The following TANC1 variants were observed in gnomAD, a reference collection of about 807,000 sequenced individuals.
The protein encoded by TANC1 is tetratricopeptide repeat, ankyrin repeat and coiled-coil containing 1.
A neutral mutation model predicts 149.7 loss-of-function variants in TANC1; 77 were observed. That is an observed-to-expected ratio of 0.51 (90% CI 0.43 to 0.62). The LOEUF (loss-of-function observed/expected upper bound fraction) is 0.62. Among genes scored for constraint, TANC1 ranks in the 20% least tolerant of loss-of-function variants. TANC1 has a pLI of 0.00. For missense variants in TANC1, 1,985 were observed against 2,321.8 expected, an observed-to-expected ratio of 0.85 and a Z score of 2.98; for synonymous variants, 854 against 925.0, an observed-to-expected ratio of 0.92 and a Z score of 1.39.
chr2:159,067,571 T>C (rs2042780748), intron 3 of TANC1, among the ~76,000 whole-genome samples: 1 of 152,228 alleles, frequency 6.6e-6, no homozygotes, highest in South Asian at 2.1e-4. Context: ...CTGAAAGCTG[T>C]TTAAAAATAA....
intron 2 of TANC1, among the ~76,000 whole-genome samples, chr2:159,059,888 T>TTTTGTGTGTG (rs1195029777): frequency 3.5e-5 from 4 of 114,804 alleles, no homozygotes; most frequent in Non-Finnish European, 7.1e-5. Context: ...GCAGACCTCT[T>TTTTGTGTGTG]TGTGTGTGTG....
intron 2 of TANC1, among the ~76,000 whole-genome samples, chr2:159,033,182 G>A (rs1028709722): frequency 2.4e-4 from 37 of 152,178 alleles, no homozygotes; most frequent in Non-Finnish European, 1.5e-5. Context: ...CCGATTAAAA[G>A]CAGTGGTTTT....
intron 24 of TANC1, chr2:159,226,661 C>A (rs557843993): frequency 2.0e-5 from 3 of 152,162 alleles, no homozygotes; most frequent in Non-Finnish European, 4.4e-5. Flanking sequence ...ATTTACAGAT[C>A]AATAAACTTC....
intron 2 of TANC1, among the ~76,000 whole-genome samples, chr2:159,033,686 G>GACTC (rs2039959669): frequency 6.6e-6 from 1 of 152,186 alleles, no homozygotes; most frequent in Admixed American, 6.5e-5. Flanking sequence ...ACGGGACATG[G>GACTC]GAGTGACAAT....
At chr2:159,178,010 A>G (rs995937005) in intron 13 of TANC1, among the ~76,000 whole-genome samples, 7 of 152,280 alleles carry the variant, frequency 4.6e-5, no homozygotes, top group African/African-American at 1.7e-4. Flanking sequence ...ATAACGTGCT[A>G]TACCAAAGTA....
intron 19 of TANC1, among the ~76,000 whole-genome samples, chr2:159,214,052 G>A (rs62172666): frequency 0.56 from 83,980 of 149,852 alleles, 25,890 homozygotes; most frequent in Admixed American, 0.7. Context: ...CTGAACCTGG[G>A]AGGTGGAGGT....
rs111842071 is a variant in TANC1, at chr2:159,013,648, TGTAGATTTGCA to T, written c.-16+12461_-16+12471del. 1.6e-4 allele frequency among the ~76,000 whole-genome samples: 25 copies of T among 152,218 alleles called. 1 individual carries two copies. Among genetic ancestry groups the T allele is most frequent in the African/African-American group, 6.0e-4 (25 of 41,550 alleles). ...AGTACCGACGGTCTATATCCCCAGTTGTAGATTTGCAGGAGATTTGCAGAATATTGTCTTGT... is the reference window on the plus strand; with the variant it reads ...AGTACCGACGGTCTATATCCCCAGTTGGAGATTTGCAGAATATTGTCTTGT... On this transcript the variant is annotated intron_variant, in intron 2 of 26. Transcript: ENST00000263635.
At chr2:158,983,984 C>G (rs2034723595) in intron 1 of TANC1, among the ~76,000 whole-genome samples, 1 of 152,206 alleles carries the variant, frequency 6.6e-6, no homozygotes, top group African/African-American at 2.4e-5. Context: ...CTTCTGTCAT[C>G]AGCTGTTTCC....
Position 159,225,716 on chromosome 2 carries a change from C to T in TANC1, c.3840C>T (p.Ser1280=), listed in dbSNP as rs765441578. 21 of 1,614,026 alleles carry T rather than the reference C, an allele frequency of 1.3e-5. No homozygotes were observed. The East Asian group carries it at 3.1e-4, about 24-fold the overall frequency. Reference sequence around the variant, plus strand: ...ATGCTGCTTGGGCGATGGCCACTTCCAAACCTGATATCTTGATTATACTTT... The same window carrying T: ...ATGCTGCTTGGGCGATGGCCACTTCTAAACCTGATATCTTGATTATACTTT... ...LGNAAWAMAT[S]KPDILIILLQ... Residue 1280 remains serine, a synonymous_variant, in exon 24 of 27, where the codon TCC becomes TCT. Transcript: ENST00000263635.
chr2:159,193,076 C>G (rs969273390), intron 16 of TANC1, among the ~76,000 whole-genome samples: 1 of 152,202 alleles, frequency 6.6e-6, no homozygotes, highest in Non-Finnish European at 1.5e-5. Flanking sequence ...GATAGATGTC[C>G]AGTACTTTTC....
chr2:159,211,736 A>T (rs2058995992), intron 19 of TANC1, among the ~76,000 whole-genome samples: 1 of 152,254 alleles, frequency 6.6e-6, no homozygotes, highest in Non-Finnish European at 1.5e-5. Context: ...ATCTGCTTAG[A>T]AAAAGGAAAA....
intron 2 of TANC1, among the ~76,000 whole-genome samples, chr2:159,018,440 A>G (rs1320540764): frequency 6.6e-6 from 1 of 152,092 alleles, no homozygotes. Context: ...GTAGCAGACA[A>G]AATTATGCAG....
intron 2 of TANC1, among the ~76,000 whole-genome samples, chr2:159,029,143 T>C (rs774647993): frequency 1.3e-5 from 2 of 152,232 alleles, no homozygotes; most frequent in African/African-American, 2.4e-5. Context: ...GTGTGATGTC[T>C]TCAAGTTTCA....
chr2:159,119,921 G>A (rs551336202), intron 4 of TANC1, among the ~76,000 whole-genome samples: 2 of 152,330 alleles, frequency 1.3e-5, no homozygotes, highest in African/African-American at 4.8e-5. Flanking sequence ...GTGCTTGCCA[G>A]TGTGAGCTCA....
intron 2 of TANC1, among the ~76,000 whole-genome samples, chr2:159,018,446 T>A (rs2038490312): frequency 6.6e-6 from 1 of 151,954 alleles, no homozygotes; most frequent in Non-Finnish European, 1.5e-5. Flanking sequence ...GACAAAATTA[T>A]GCAGGCTACA....
At chr2:159,036,396 C>T (rs1047064555) in intron 2 of TANC1, among the ~76,000 whole-genome samples, 3 of 152,076 alleles carry the variant, frequency 2.0e-5, no homozygotes, top group Non-Finnish European at 2.9e-5. Context: ...TTCTAGGGTA[C>T]GTGTGCACAA....
At chr2:158,983,584 A>G (rs949489466) in intron 1 of TANC1, among the ~76,000 whole-genome samples, 21 of 152,088 alleles carry the variant, frequency 1.4e-4, no homozygotes, top group African/African-American at 3.1e-4. Context: ...TAAAAAATCA[A>G]TTTTTTTACT....
intron 12 of TANC1, among the ~76,000 whole-genome samples, chr2:159,175,889 C>T (rs1674825306): frequency 1.3e-5 from 2 of 152,222 alleles, no homozygotes; most frequent in Non-Finnish European, 2.9e-5. Context: ...TAGCGTGGAG[C>T]TCTCACGCTG....
chr2:159,224,806 AAACTAGGACG>A (rs1363244070), intron 23 of TANC1: 1 of 166,970 alleles, frequency 6.0e-6, no homozygotes, highest in East Asian at 1.6e-4. Context: ...TCATGGAGAC[AAACTAGGACG>A]ATACTTGAGG....
Sources: allele counts gnomAD v4.1 joint callset (sites outside exome capture counted in the v4.1 genomes callset), GRCh38; gene constraint gnomAD v4.1.1; transcripts MANE v1.5; gene names NCBI Gene and HGNC (gene_info 2026-07-23, HGNC 2026-07-21).